PARD3B: variants seen among roughly 807,000 people sequenced by gnomAD.
PARD3B encodes partitioning defective 3 homolog B.
A neutral mutation model predicts 130.2 loss-of-function variants in PARD3B; 103 were observed. That is an observed-to-expected ratio of 0.79 (90% CI 0.67 to 0.93). PARD3B has a LOEUF of 0.93. PARD3B is among the 40% of genes least tolerant of loss of function. PARD3B has a pLI of 0.00. For synonymous variants in PARD3B, 583 were observed against 553.2 expected, an observed-to-expected ratio of 1.05 and a Z score of -0.76; for missense variants, 1,609 against 1,499.2, an observed-to-expected ratio of 1.07 and a Z score of -1.21.
chr2:205,139,292 A>C (rs2125668062), intron 10 of PARD3B, among the ~76,000 whole-genome samples: 1 of 152,198 alleles, frequency 6.6e-6, no homozygotes, highest in Middle Eastern at 3.4e-3. Flanking sequence ...CCACACCCAC[A>C]GTCATTGTCT....
Position 204,678,964 on chromosome 2 carries a change from C to T in PARD3B, c.121-7217C>T, listed in dbSNP as rs931482963. On this transcript the variant is annotated intron_variant, in intron 1 of 22. Transcript: ENST00000406610. The surrounding 1 kb of genome is among the most constrained non-coding windows in gnomAD (Gnocchi z 4.2). ...CTCTTTCTACTCACCACCCTTCCCCCTCACAAGGAGTAACCAGTCTCGTGA... is the reference window on the plus strand; with the variant it reads ...CTCTTTCTACTCACCACCCTTCCCCTTCACAAGGAGTAACCAGTCTCGTGA... Among the ~76,000 whole-genome samples the T allele has an allele frequency of 1.3e-5, 2 of 152,154 alleles. No individual in the cohort carries two copies. The highest frequency in any genetic ancestry group is 6.5e-5 in the Admixed American group (1 of 15,276).
At chr2:204,802,537 C>T (rs1467105389) in intron 2 of PARD3B, among the ~76,000 whole-genome samples, 1 of 152,148 alleles carries the variant, frequency 6.6e-6, no homozygotes. Context: ...AAGATACATG[C>T]ACATGTATGT....
At chr2:205,174,384 A>T (rs1268371038) in intron 12 of PARD3B, among the ~76,000 whole-genome samples, 4 of 152,244 alleles carry the variant, frequency 2.6e-5, no homozygotes, top group Non-Finnish European at 5.9e-5. Flanking sequence ...TCCATGGGGA[A>T]TGAGCAGGCA....
intron 4 of PARD3B, among the ~76,000 whole-genome samples, chr2:205,100,562 A>C (rs1702702872): frequency 6.6e-6 from 1 of 152,138 alleles, no homozygotes; most frequent in African/African-American, 2.4e-5. Context: ...ATTTGGAAGA[A>C]TCACACATCC....
At chr2:205,317,663 C>T (rs2042607271) in intron 18 of PARD3B, among the ~76,000 whole-genome samples, 1 of 152,030 alleles carries the variant, frequency 6.6e-6, no homozygotes. Flanking sequence ...CCTCACCATT[C>T]TTTGTTTACA....
intron 2 of PARD3B, among the ~76,000 whole-genome samples, chr2:204,889,890 C>CA (rs2046387581): frequency 6.6e-6 from 1 of 152,182 alleles, no homozygotes; most frequent in African/African-American, 2.4e-5. Flanking sequence ...CGTGAAATAA[C>CA]AAACTGGTTT....
At chr2:204,768,758 A>G (rs1319163813) in intron 2 of PARD3B, among the ~76,000 whole-genome samples, 2 of 66,334 alleles carry the variant, frequency 3.0e-5, no homozygotes, top group Admixed American at 1.9e-4. Context: ...ATTCTCTTTG[A>G]AGCAATTGTG....
At chr2:205,025,951 A>G (rs933894642) in intron 3 of PARD3B, among the ~76,000 whole-genome samples, 1 of 152,098 alleles carries the variant, frequency 6.6e-6, no homozygotes, top group Non-Finnish European at 1.5e-5. Context: ...GCCTGTCACA[A>G]CTACCTCTGT....
At chr2:205,225,115 A>G (rs959655347) in intron 15 of PARD3B, among the ~76,000 whole-genome samples, 7 of 152,180 alleles carry the variant, frequency 4.6e-5, no homozygotes, top group South Asian at 2.1e-4. Context: ...GCTTTTGGGT[A>G]TATACATAGC....
intron 16 of PARD3B, among the ~76,000 whole-genome samples, chr2:205,260,552 T>C (rs1437366907): frequency 1.3e-5 from 2 of 152,138 alleles, no homozygotes; most frequent in African/African-American, 4.8e-5. Flanking sequence ...GGGAGCCTGA[T>C]TTGCATGTGC....
intron 4 of PARD3B, among the ~76,000 whole-genome samples, chr2:205,100,104 G>A (rs1357816282): frequency 6.6e-6 from 1 of 151,976 alleles, no homozygotes; most frequent in Non-Finnish European, 1.5e-5. Context: ...ATCTTTACTT[G>A]CTATCTAACT....
chr2:205,411,143 C>T (rs1001156544), intron 19 of PARD3B, among the ~76,000 whole-genome samples: 3 of 152,076 alleles, frequency 2.0e-5, no homozygotes, highest in African/African-American at 4.8e-5. Flanking sequence ...GCATCTTTCT[C>T]AGCGTCCTAT....
At chr2:204,966,808 A>G (rs1221794820) in intron 3 of PARD3B, among the ~76,000 whole-genome samples, 1 of 152,198 alleles carries the variant, frequency 6.6e-6, no homozygotes, top group Non-Finnish European at 1.5e-5. Context: ...GATTTTTGAT[A>G]AGTCAGAGAA....
intron 2 of PARD3B, among the ~76,000 whole-genome samples, chr2:204,960,865 G>T (rs1485358700): frequency 6.6e-6 from 1 of 152,182 alleles, no homozygotes; most frequent in African/African-American, 2.4e-5. Context: ...GGAGAATACA[G>T]AGAGTAATGA....
chr2:204,920,569 C>G (rs1377750013), intron 2 of PARD3B, among the ~76,000 whole-genome samples: 1 of 152,050 alleles, frequency 6.6e-6, no homozygotes. Flanking sequence ...GTGCTCACAC[C>G]AAAGAATTAT....
At chr2:205,270,328 G>A (rs1337769647) in intron 16 of PARD3B, among the ~76,000 whole-genome samples, 1 of 152,090 alleles carries the variant, frequency 6.6e-6, no homozygotes, top group African/African-American at 2.4e-5. Flanking sequence ...CAGCACTTTG[G>A]GAGGCCGAGG....
chr2:205,231,329 ATTT>A (rs770873231), intron 15 of PARD3B, among the ~76,000 whole-genome samples: 3 of 141,584 alleles, frequency 2.1e-5, no homozygotes. Context: ...TAGATTAACT[ATTT>A]TTTTTTTTTT....
chr2:204,953,076 G>A (rs200988473), intron 2 of PARD3B, among the ~76,000 whole-genome samples: 7 of 127,890 alleles, frequency 5.5e-5, no homozygotes, highest in Admixed American at 9.0e-5. Flanking sequence ...AGAGAGAGAG[G>A]GAGAGAGAGA....
At chr2:205,153,048 G>T (rs2033868940) in intron 10 of PARD3B, among the ~76,000 whole-genome samples, 1 of 152,154 alleles carries the variant, frequency 6.6e-6, no homozygotes, top group Non-Finnish European at 1.5e-5. Flanking sequence ...TTTGCTGGTG[G>T]TCCACTCCAG....
Sources: allele counts gnomAD v4.1 joint callset (sites outside exome capture counted in the v4.1 genomes callset), GRCh38; gene constraint gnomAD v4.1.1; non-coding constraint Gnocchi (gnomAD v3.1); transcripts MANE v1.5; gene names NCBI Gene and HGNC (gene_info 2026-07-23, HGNC 2026-07-21).